The following DPP10 variants were observed in gnomAD, a reference collection of about 807,000 sequenced individuals.
The protein encoded by DPP10 is inactive dipeptidyl peptidase 10.
A neutral mutation model predicts 120.9 loss-of-function variants in DPP10; 33 were observed. That is an observed-to-expected ratio of 0.27 (90% CI 0.21 to 0.37). DPP10 has a LOEUF of 0.37. Ranked by LOEUF, DPP10 falls within the 10% of genes least tolerant of loss-of-function variation. The pLI, the probability that DPP10 is intolerant of heterozygous loss-of-function variation, is 1.00. For synonymous variants in DPP10, 337 were observed against 326.1 expected, an observed-to-expected ratio of 1.03 and a Z score of -0.36; for missense variants, 816 against 942.8, an observed-to-expected ratio of 0.87 and a Z score of 1.76.
intron 1 of DPP10, among the ~76,000 whole-genome samples, chr2:114,891,538 A>G (rs1692545097): frequency 2.6e-5 from 4 of 152,246 alleles, no homozygotes; most frequent in Admixed American, 2.6e-4. Context: ...GACTTGCAGA[A>G]GTATTGTCTT....
intron 1 of DPP10, among the ~76,000 whole-genome samples, chr2:114,808,284 T>G (rs1684903825): frequency 6.6e-6 from 1 of 152,224 alleles, no homozygotes; most frequent in Admixed American, 6.5e-5. Context: ...TTAATAGATA[T>G]TTGAGTTGCT....
chr2:114,549,161 GC>G (rs1687660478), intron 1 of DPP10, among the ~76,000 whole-genome samples: 1 of 151,792 alleles, frequency 6.6e-6, no homozygotes, highest in South Asian at 2.1e-4. Flanking sequence ...GCGTGCACAT[GC>G]ATGCCGGGGG....
At chr2:115,233,040 T>TCTTAATCTTGACTTAATCTTGA (rs61216590) in intron 1 of DPP10, among the ~76,000 whole-genome samples, 32,366 of 151,852 alleles carry the variant, frequency 0.21, 3,928 homozygotes, top group East Asian at 0.36. Context: ...TCTATCGTCA[T>TCTTAATCTTGACTTAATCTTGA]CTTAATCTTG....
chr2:115,112,350 A>C (rs2049266894), intron 1 of DPP10, among the ~76,000 whole-genome samples: 1 of 152,120 alleles, frequency 6.6e-6, no homozygotes, highest in Non-Finnish European at 1.5e-5. Flanking sequence ...ATAAAGTAAC[A>C]TTAAAAATTT....
At chr2:115,776,894 C>G (rs1440661188) in intron 13 of DPP10, among the ~76,000 whole-genome samples, 2 of 151,826 alleles carry the variant, frequency 1.3e-5, no homozygotes, top group Admixed American at 1.3e-4. Flanking sequence ...TGTACAGCTG[C>G]CAGTCATTTA....
rs554141225 is a variant in DPP10, at chr2:114,475,415, T to C, written c.60+32577T>C. Among the ~76,000 whole-genome samples, 8 of 152,326 alleles carry C rather than the reference T, an allele frequency of 5.3e-5. No homozygotes were observed. In the South Asian group the frequency reaches 1.0e-3, roughly 20 times the overall value. On this transcript the variant is annotated intron_variant, in intron 1 of 25. Transcript: ENST00000410059. ...TTATATTCAAAAGTATCAAGCTTTG[T>C]CATTTTGCAAAAATGCTTTTCAGTC...
At chr2:114,969,612 G>A (rs1263415216) in intron 1 of DPP10, among the ~76,000 whole-genome samples, 2 of 152,094 alleles carry the variant, frequency 1.3e-5, no homozygotes, top group African/African-American at 4.8e-5. Flanking sequence ...GTCTTCCTTG[G>A]CACATGCTAG....
chr2:115,033,650 C>T (rs944310539), intron 1 of DPP10, among the ~76,000 whole-genome samples: 1 of 149,808 alleles, frequency 6.7e-6, no homozygotes, highest in African/African-American at 2.4e-5. Flanking sequence ...ACATTCTACT[C>T]TAATTGTATA....
At chr2:115,154,908 T>A (rs1476379194) in intron 1 of DPP10, among the ~76,000 whole-genome samples, 7 of 151,656 alleles carry the variant, frequency 4.6e-5, no homozygotes, top group Non-Finnish European at 1.0e-4. Context: ...TTTTTTTTTT[T>A]TGAGACAGAA....
chr2:114,965,774 C>T (rs537720956), intron 1 of DPP10, among the ~76,000 whole-genome samples: 26 of 151,132 alleles, frequency 1.7e-4, no homozygotes, highest in African/African-American at 5.3e-4. Flanking sequence ...GTCAGGAGAT[C>T]GAGACCACGG....
At chr2:115,105,762 A>G (rs897694439) in intron 1 of DPP10, among the ~76,000 whole-genome samples, 2 of 152,210 alleles carry the variant, frequency 1.3e-5, no homozygotes, top group African/African-American at 2.4e-5. Context: ...TAAATTATTT[A>G]TATTTTCTAA....
In DPP10 at chr2:114,515,756, A is replaced by G. The variant is rs145127479; in HGVS notation, c.60+72918A>G. Reference sequence around the variant, plus strand: ...CTTCTTCTTTTTCTGTTGATTTTTTATCATTTAATTTTGATCCACAATTCT... The same window carrying G: ...CTTCTTCTTTTTCTGTTGATTTTTTGTCATTTAATTTTGATCCACAATTCT... On this transcript the variant is annotated intron_variant, in intron 1 of 25. Coordinates refer to ENST00000410059, the MANE Select transcript of DPP10 (RefSeq NM_020868.6). Among the ~76,000 whole-genome samples the G allele has an allele frequency of 5.4e-3, 819 of 151,300 alleles. 10 individuals carry two copies. Among genetic ancestry groups the G allele is most frequent in the Middle Eastern group, 0.021 (6 of 292 alleles).
chr2:114,966,040 G>C (rs1699011509), intron 1 of DPP10, among the ~76,000 whole-genome samples: 1 of 151,388 alleles, frequency 6.6e-6, no homozygotes, highest in Admixed American at 6.6e-5. Context: ...AAACCAACAT[G>C]GGACAATCAA....
intron 1 of DPP10, among the ~76,000 whole-genome samples, chr2:115,254,334 A>G (rs538057372): frequency 6.6e-6 from 1 of 152,298 alleles, no homozygotes; most frequent in African/African-American, 2.4e-5. Context: ...TGATGAAAAC[A>G]GGATGAGGGG....
intron 1 of DPP10, among the ~76,000 whole-genome samples, chr2:114,974,475 T>C (rs948878055): frequency 6.7e-6 from 1 of 149,648 alleles, no homozygotes; most frequent in African/African-American, 2.5e-5. Flanking sequence ...TGGAGTGCAG[T>C]GGCAAGATTT....
intron 1 of DPP10, among the ~76,000 whole-genome samples, chr2:115,062,567 T>C (rs1706502470): frequency 6.6e-6 from 1 of 152,146 alleles, no homozygotes; most frequent in South Asian, 2.1e-4. Context: ...CTGGCCCCAG[T>C]GTGTGTTGTT....
chr2:115,801,335 C>G (rs994786570), intron 19 of DPP10, among the ~76,000 whole-genome samples: 4 of 151,984 alleles, frequency 2.6e-5, no homozygotes, highest in African/African-American at 9.7e-5. Flanking sequence ...GAGATTTTGG[C>G]CTGAGACGAT....
At chr2:114,940,437 C>G (rs1335869779) in intron 1 of DPP10, among the ~76,000 whole-genome samples, 3 of 151,844 alleles carry the variant, frequency 2.0e-5, no homozygotes, top group African/African-American at 7.3e-5. Flanking sequence ...CCAGATTTGA[C>G]AGCAGCAGAC....
At chr2:115,308,581 T>A (rs1394581255) in intron 1 of DPP10, among the ~76,000 whole-genome samples, 1 of 152,080 alleles carries the variant, frequency 6.6e-6, no homozygotes, top group East Asian at 1.9e-4. Context: ...ATGTACAAGT[T>A]TATTTTCCCC....
Sources: gnomAD v4.1 joint callset for allele counts (sites outside exome capture counted in the v4.1 genomes callset) on GRCh38, gnomAD v4.1.1 for gene constraint, MANE v1.5 for transcripts, NCBI Gene and HGNC (gene_info 2026-07-23, HGNC 2026-07-21) for gene names.